The following SLC22A4 variants were observed in gnomAD, a reference collection of about 807,000 sequenced individuals.
SLC22A4 encodes solute carrier family 22 member 4, also known as ET transporter.
Under a neutral mutation model 56.6 loss-of-function variants are expected in SLC22A4, and 39 were observed. That is an observed-to-expected ratio of 0.69 (90% CI 0.53 to 0.90). SLC22A4 has a LOEUF of 0.90. Among genes scored for constraint, SLC22A4 ranks in the 40% least tolerant of loss-of-function variants. The pLI, the probability that SLC22A4 is intolerant of heterozygous loss-of-function variation, is 0.00. For missense variants in SLC22A4, 594 were observed against 696.5 expected, an observed-to-expected ratio of 0.85 and a Z score of 1.66; for synonymous variants, 241 against 281.4, an observed-to-expected ratio of 0.86 and a Z score of 1.44.
chr5:132,335,467 G>T (rs2126738458), intron 7 of SLC22A4, among the ~76,000 whole-genome samples: 2 of 152,290 alleles, frequency 1.3e-5, no homozygotes, highest in South Asian at 4.1e-4. Context: ...TAATAAGAAA[G>T]AGGATAGAAA....
intron 3 of SLC22A4, among the ~76,000 whole-genome samples, chr5:132,318,057 G>C (rs968962729): frequency 6.6e-6 from 1 of 152,230 alleles, no homozygotes; most frequent in East Asian, 1.9e-4. Context: ...CATGGGTCAA[G>C]GGAGTGGGGC....
chr5:132,335,453 TTAA>T (rs1750992888), intron 7 of SLC22A4, among the ~76,000 whole-genome samples: 1 of 152,236 alleles, frequency 6.6e-6, no homozygotes. Context: ...TACATATTTC[TTAA>T]TAATAAGAAA....
At chr5:132,295,096 G>C in intron 1 of SLC22A4, 87 bp downstream of exon 1, 7 of 1,416,584 alleles carry the variant, frequency 4.9e-6, no homozygotes, top group Non-Finnish European at 6.8e-6. Context: ...CGCAGTGCCC[G>C]GGTCAGCGCT....
chr5:132,313,504 T>G (rs1750243212), intron 2 of SLC22A4, 110 bp from the exon 3 acceptor site: 5 of 987,486 alleles, frequency 5.1e-6, no homozygotes, highest in Non-Finnish European at 6.5e-6. Flanking sequence ...GAAAAAAGTC[T>G]GCCAGAGCCC....
chr5:132,296,291 T>C (rs890151741), intron 1 of SLC22A4, among the ~76,000 whole-genome samples: 5 of 152,208 alleles, frequency 3.3e-5, no homozygotes, highest in Admixed American at 2.0e-4. Context: ...ATGACAGATA[T>C]GACAAATGAG....
chr5:132,302,608 A>G (rs1749929596), intron 1 of SLC22A4, among the ~76,000 whole-genome samples: 1 of 152,162 alleles, frequency 6.6e-6, no homozygotes, highest in Non-Finnish European at 1.5e-5. Flanking sequence ...CCTGCTCAGC[A>G]TTTGCAAGAC....
chr5:132,336,214 T>C (rs1462787421), intron 8 of SLC22A4, among the ~76,000 whole-genome samples: 1 of 152,098 alleles, frequency 6.6e-6, no homozygotes, highest in African/African-American at 2.4e-5. Flanking sequence ...TACACAGGTA[T>C]GTATATAATT....
At chr5:132,330,720 C>T (rs755923806) in intron 5 of SLC22A4, among the ~76,000 whole-genome samples, 2 of 151,936 alleles carry the variant, frequency 1.3e-5, no homozygotes, top group African/African-American at 2.4e-5. Flanking sequence ...GAGTGAAACT[C>T]CCTCTCAAAA....
intron 8 of SLC22A4, among the ~76,000 whole-genome samples, chr5:132,338,575 A>G (rs1457038116): frequency 5.3e-5 from 8 of 152,142 alleles, no homozygotes; most frequent in African/African-American, 1.4e-4. Context: ...CTACAACCGT[A>G]AAAGACAGCT....
At chr5:132,321,911 AAT>A (rs1750552361) in intron 3 of SLC22A4, among the ~76,000 whole-genome samples, 1 of 151,452 alleles carries the variant, frequency 6.6e-6, no homozygotes, top group African/African-American at 2.4e-5. Flanking sequence ...TTGTCTCAAA[AAT>A]AATAATAATA....
At chr5:132,336,031 TTTAAA>T (rs1751017791) in intron 8 of SLC22A4, 31 bp downstream of exon 8, 2 of 1,592,976 alleles carry the variant, frequency 1.3e-6, no homozygotes, top group South Asian at 1.1e-5. Context: ...TTGTTCTTCC[TTTAAA>T]TTAGTTTTCA....
intron 1 of SLC22A4, among the ~76,000 whole-genome samples, chr5:132,304,428 C>T (rs1233123907): frequency 6.6e-6 from 1 of 152,148 alleles, no homozygotes; most frequent in East Asian, 1.9e-4. Context: ...ACCAGCCTGG[C>T]TAATGTGGGG....
chr5:132,331,693 T>G lies in SLC22A4; in HGVS notation c.952-63T>G, dbSNP rs1466770696. The G allele has an allele frequency of 3.4e-6, 4 of 1,167,504 alleles. No individual in the cohort carries two copies. In the East Asian group the frequency reaches 7.0e-5, roughly 20 times the overall value. 72.3% of individuals were successfully genotyped at this position (1,167,504 alleles called of 1,614,324 possible). A position where few individuals can be genotyped will look rare whatever the true frequency, so the allele number is the denominator to read the frequency against. On this transcript the variant is annotated intron_variant, in intron 5 of 9. Transcript: ENST00000200652. ...ATGCATAAGTTTTCCCCATGCATCATAGCCAAAGATACTTCCTTACTACCT... is the reference window on the plus strand; with the variant it reads ...ATGCATAAGTTTTCCCCATGCATCAGAGCCAAAGATACTTCCTTACTACCT...
At chr5:132,335,740 A>G (rs1378378813) in intron 7 of SLC22A4, 78 bp from the exon 8 acceptor site, 2 of 1,235,710 alleles carry the variant, frequency 1.6e-6, no homozygotes, top group Non-Finnish European at 2.4e-6. Flanking sequence ...ACTGAAGCAA[A>G]AAGGACAATA....
chr5:132,295,936 C>T (rs1367422156), intron 1 of SLC22A4, among the ~76,000 whole-genome samples: 2 of 152,226 alleles, frequency 1.3e-5, no homozygotes, highest in Non-Finnish European at 2.9e-5. Flanking sequence ...GGTCATCAGA[C>T]ATTGTGTCTG....
intron 5 of SLC22A4, among the ~76,000 whole-genome samples, chr5:132,328,834 T>TACAC (rs1261006866): frequency 1.2e-5 from 1 of 83,178 alleles, no homozygotes; most frequent in South Asian, 3.0e-4. Flanking sequence ...TATATATATA[T>TACAC]ATATACACAC....
chr5:132,320,354 G>A (rs1014536999), intron 3 of SLC22A4, among the ~76,000 whole-genome samples: 3 of 152,184 alleles, frequency 2.0e-5, no homozygotes, highest in Non-Finnish European at 4.4e-5. Flanking sequence ...CTGAATCTCT[G>A]CTTAAGAATA....
chr5:132,325,084 T>C (rs938310982), intron 4 of SLC22A4, among the ~76,000 whole-genome samples: 1 of 152,126 alleles, frequency 6.6e-6, no homozygotes, highest in African/African-American at 2.4e-5. Flanking sequence ...AGGCCATAGA[T>C]GCAATGTGAG....
At chr5:132,295,942 G>A (rs1749768505) in intron 1 of SLC22A4, among the ~76,000 whole-genome samples, 1 of 152,218 alleles carries the variant, frequency 6.6e-6, no homozygotes. Flanking sequence ...CAGACATTGT[G>A]TCTGGCCTTG....
Sources: allele counts gnomAD v4.1 joint callset (sites outside exome capture counted in the v4.1 genomes callset), GRCh38; gene constraint gnomAD v4.1.1; transcripts MANE v1.5; gene names NCBI Gene and HGNC (gene_info 2026-07-23, HGNC 2026-07-21).